The following WDFY2 variants were observed in gnomAD, a reference collection of about 807,000 sequenced individuals.
The protein encoded by WDFY2 is WD repeat and FYVE domain-containing protein 2.
A neutral mutation model predicts 56.4 loss-of-function variants in WDFY2; 36 were observed. The observed-to-expected ratio is 0.64, with a 90% CI of 0.49 to 0.84. WDFY2 has a LOEUF of 0.84. Ranked by LOEUF, WDFY2 falls within the 40% of genes least tolerant of loss-of-function variation. The pLI is 0.00. For missense variants in WDFY2, 444 were observed against 512.2 expected (o/e 0.87, Z 1.29); for synonymous variants, 176 against 183.7 (o/e 0.96, Z 0.34).
At chr13:51,735,742 T>C (rs1332727770) in intron 6 of WDFY2, among the ~76,000 whole-genome samples, 4 of 152,246 alleles carry the variant, frequency 2.6e-5, no homozygotes, top group African/African-American at 7.2e-5. Flanking sequence ...TTATCATTTA[T>C]AGGCCAACTT....
At chr13:51,660,757 G>A in intron 2 of WDFY2, 94 bp downstream of exon 2, 1 of 1,068,284 alleles carries the variant, frequency 9.4e-7, no homozygotes, top group East Asian at 2.5e-5. Flanking sequence ...GACTGAGGTT[G>A]GGATTCTCAT....
At chr13:51,754,338 T>C (rs888233578) in intron 8 of WDFY2, among the ~76,000 whole-genome samples, 2 of 152,102 alleles carry the variant, frequency 1.3e-5, no homozygotes, top group African/African-American at 4.8e-5. Flanking sequence ...ATGTGTCCCG[T>C]CACAGACCTG....
At chr13:51,729,173 T>C (rs775921006) in intron 6 of WDFY2, among the ~76,000 whole-genome samples, 3 of 152,102 alleles carry the variant, frequency 2.0e-5, no homozygotes, top group Non-Finnish European at 4.4e-5. Context: ...CTTTTCTTCT[T>C]GTGCAGCCAG....
chr13:51,740,781 A>T (rs549854401), intron 7 of WDFY2, among the ~76,000 whole-genome samples: 1 of 152,318 alleles, frequency 6.6e-6, no homozygotes, highest in African/African-American at 2.4e-5. Context: ...TCTGCCAGGA[A>T]ATTCCTGCCA....
intron 3 of WDFY2, among the ~76,000 whole-genome samples, chr13:51,698,951 A>G (rs1951929021): frequency 6.6e-6 from 1 of 152,250 alleles, no homozygotes; most frequent in Non-Finnish European, 1.5e-5. Flanking sequence ...ACAATTTAGT[A>G]AGACAGTTAC....
chr13:51,686,985 A>AGC (rs1956072519), intron 3 of WDFY2, among the ~76,000 whole-genome samples: 2 of 151,486 alleles, frequency 1.3e-5, no homozygotes, highest in African/African-American at 4.8e-5. Flanking sequence ...TGATGAGCAA[A>AGC]TTGTTGAATC....
chr13:51,655,140 C>T (rs971712827), intron 1 of WDFY2, among the ~76,000 whole-genome samples: 1 of 152,108 alleles, frequency 6.6e-6, no homozygotes, highest in Non-Finnish European at 1.5e-5. Context: ...AGAATTATGT[C>T]ATCTTCCAAT....
chr13:51,731,031 A>G (rs1374424234), intron 6 of WDFY2, among the ~76,000 whole-genome samples: 1 of 152,226 alleles, frequency 6.6e-6, no homozygotes, highest in African/African-American at 2.4e-5. Context: ...CTGGCAGTAG[A>G]GAGTGGAATT....
intron 1 of WDFY2, among the ~76,000 whole-genome samples, chr13:51,657,956 T>C (rs1955541439): frequency 6.6e-6 from 1 of 152,220 alleles, no homozygotes. Context: ...AATTTCTTTT[T>C]TTCTGTTTTC....
chr13:51,744,387 C>A (rs112029643), intron 7 of WDFY2, among the ~76,000 whole-genome samples: 2,039 of 152,300 alleles, frequency 0.013, 54 homozygotes, highest in African/African-American at 0.047. Context: ...GTCTTCTCTA[C>A]CCTCTCCCTT....
At chr13:51,729,561 A>T (rs189117210) in intron 6 of WDFY2, among the ~76,000 whole-genome samples, 6 of 150,500 alleles carry the variant, frequency 4.0e-5, no homozygotes, top group Non-Finnish European at 7.4e-5. Context: ...GCAGGAGAGC[A>T]GTCTTCCTCC....
Position 51,739,133 on chromosome 13 carries a change from TCGGTGGGA to T in WDFY2, c.684_691del (p.Ile228MetfsTer33). 6.3e-7 allele frequency: 1 copy of T among 1,599,044 alleles called. No homozygotes were observed. Among genetic ancestry groups the T allele is most frequent in the Non-Finnish European group, 8.5e-7 (1 of 1,173,098 alleles). On this transcript the variant is annotated frameshift_variant, in exon 7 of 12. Transcript: ENST00000298125. LOFTEE classifies it high-confidence loss of function. ...GATCACTCTGTCATCATGTGGGACA[TCGGTGGGA>T]GAAAAGGAACAGCCATCGAGCTCCA...
At chr13:51,725,916 C>T (rs1952594014) in intron 5 of WDFY2, among the ~76,000 whole-genome samples, 1 of 152,120 alleles carries the variant, frequency 6.6e-6, no homozygotes. Context: ...CTCAAGTGAT[C>T]CTCCCTCCTT....
chr13:51,630,897 G>T (rs1306150347), intron 1 of WDFY2, among the ~76,000 whole-genome samples: 1 of 151,232 alleles, frequency 6.6e-6, no homozygotes, highest in Non-Finnish European at 1.5e-5. Flanking sequence ...TCCTGCCTCA[G>T]CCTCCCAAGT....
intron 1 of WDFY2, among the ~76,000 whole-genome samples, chr13:51,627,946 G>C (rs1000572021): frequency 1.4e-4 from 22 of 152,178 alleles, no homozygotes; most frequent in Non-Finnish European, 3.2e-4. Flanking sequence ...ATGGGCTTCA[G>C]AGGGGAGGAA....
At chr13:51,723,385 C>G (rs927894960) in intron 5 of WDFY2, among the ~76,000 whole-genome samples, 2 of 151,516 alleles carry the variant, frequency 1.3e-5, no homozygotes, top group African/African-American at 4.9e-5. Context: ...GTTTGAAATT[C>G]GATCTAGACA....
intron 3 of WDFY2, among the ~76,000 whole-genome samples, chr13:51,680,475 G>T (rs1358197685): frequency 6.6e-6 from 1 of 152,106 alleles, no homozygotes; most frequent in Admixed American, 6.6e-5. Context: ...TCCTGTCTTA[G>T]TTACATCTGC....
intron 3 of WDFY2, among the ~76,000 whole-genome samples, chr13:51,690,474 C>T (rs1956134077): frequency 6.6e-6 from 1 of 151,456 alleles, no homozygotes; most frequent in Non-Finnish European, 1.5e-5. Flanking sequence ...TGATAGTTTA[C>T]TGAGAATAAT....
chr13:51,661,967 ATTTG>A (rs1197226773), intron 2 of WDFY2, among the ~76,000 whole-genome samples: 1 of 151,250 alleles, frequency 6.6e-6, no homozygotes, highest in Admixed American at 6.6e-5. Flanking sequence ...TTTTTTGTTT[ATTTG>A]TTTGTTTATT....
Sources: gnomAD v4.1 joint callset for allele counts (sites outside exome capture counted in the v4.1 genomes callset) on GRCh38, gnomAD v4.1.1 for gene constraint, MANE v1.5 for transcripts, NCBI Gene and HGNC (gene_info 2026-07-23, HGNC 2026-07-21) for gene names.